Variants in TMPRSS15 observed in about 807,000 individuals in gnomAD.
TMPRSS15 encodes enteropeptidase.
Under a neutral mutation model 125.3 loss-of-function variants are expected in TMPRSS15, and 128 were observed. The ratio of observed to expected loss-of-function variants is 1.02; its 90% CI spans 0.89 to 1.18. TMPRSS15 has a LOEUF of 1.18. Ranked by LOEUF, TMPRSS15 falls within the 50% of genes most tolerant of loss-of-function variation. TMPRSS15 has a pLI of 0.00. For synonymous variants in TMPRSS15, 446 were observed against 423.2 expected, an observed-to-expected ratio of 1.05 and a Z score of -0.66; for missense variants, 1,283 against 1,212.7, an observed-to-expected ratio of 1.06 and a Z score of -0.86.
At chr21:18,422,192 GCGAGATTGGTCT>G (rs1399485077) in intron 1 of TMPRSS15, among the ~76,000 whole-genome samples, 4 of 151,906 alleles carry the variant, frequency 2.6e-5, no homozygotes, top group African/African-American at 9.7e-5. Flanking sequence ...CACCATGTTG[GCGAGATTGGTCT>G]TGAACTCCTG....
intron 1 of TMPRSS15, among the ~76,000 whole-genome samples, chr21:18,450,200 C>T (rs1569071349): frequency 6.6e-6 from 1 of 151,796 alleles, no homozygotes; most frequent in Non-Finnish European, 1.5e-5. Context: ...ATCTTAACTT[C>T]ATATTTTTAT....
intron 9 of TMPRSS15, among the ~76,000 whole-genome samples, 183 bp downstream of exon 9, chr21:18,353,540 G>A (rs986762643): frequency 6.6e-6 from 1 of 151,604 alleles, no homozygotes; most frequent in Non-Finnish European, 1.5e-5. Context: ...TGATTCCTTT[G>A]AAAAATGTAA....
chr21:18,403,614 C>T lies in TMPRSS15; in HGVS notation c.9G>A (p.Ser3=), dbSNP rs756002643. The change falls in exon 1 of 25, where the codon TCG becomes TCA. Residue 3 remains serine (S), a synonymous_variant. Coordinates refer to ENST00000284885, the MANE Select transcript of TMPRSS15 (RefSeq NM_002772.3). Reference sequence around the variant, plus strand: ...GATGCCTAGAAGATATGCCTCTTTTCGACCCCATTTTTGGTTTTGAAGGCT... The same window carrying T: ...GATGCCTAGAAGATATGCCTCTTTTTGACCCCATTTTTGGTTTTGAAGGCT... The part of the protein sequence containing the change: MG[S]KRGISSRHHS... The T allele has an allele frequency of 1.2e-5, 20 of 1,613,916 alleles. No individual in the cohort carries two copies. Among genetic ancestry groups the T allele is most frequent in the African/African-American group, 2.7e-5 (2 of 74,908 alleles).
intron 1 of TMPRSS15, among the ~76,000 whole-genome samples, chr21:18,476,945 T>A (rs945881953): frequency 1.1e-4 from 16 of 151,594 alleles, no homozygotes; most frequent in African/African-American, 2.9e-4. Flanking sequence ...TAACTCCAAA[T>A]GCCACATTCT....
chr21:18,372,983 G>C (rs1340431138), intron 5 of TMPRSS15, among the ~76,000 whole-genome samples: 1 of 152,102 alleles, frequency 6.6e-6, no homozygotes, highest in African/African-American at 2.4e-5. Flanking sequence ...ATGCCTACAA[G>C]ATAAAGACTT....
intron 16 of TMPRSS15, among the ~76,000 whole-genome samples, chr21:18,317,036 G>T (rs898676565): frequency 1.3e-5 from 2 of 152,126 alleles, no homozygotes; most frequent in African/African-American, 4.8e-5. Context: ...AAACAGGGAA[G>T]CTTCTATTTT....
At chr21:18,291,872 G>T (rs972509976) in intron 21 of TMPRSS15, among the ~76,000 whole-genome samples, 1 of 152,260 alleles carries the variant, frequency 6.6e-6, no homozygotes, top group Non-Finnish European at 1.5e-5. Flanking sequence ...AGTTGAAACT[G>T]AAAAGACATT....
At chr21:18,470,460 C>G (rs1026890296) in intron 1 of TMPRSS15, among the ~76,000 whole-genome samples, 1 of 152,024 alleles carries the variant, frequency 6.6e-6, no homozygotes, top group African/African-American at 2.4e-5. Flanking sequence ...ACTCTTACCC[C>G]AACCGAAAAT....
At chr21:18,384,445 G>C (rs1478140793) in intron 3 of TMPRSS15, among the ~76,000 whole-genome samples, 1 of 152,086 alleles carries the variant, frequency 6.6e-6, no homozygotes, top group Non-Finnish European at 1.5e-5. Context: ...CATAGCATTA[G>C]AGTTCAGCCA....
At chr21:18,357,389 T>A (rs968867653) in intron 8 of TMPRSS15, among the ~76,000 whole-genome samples, 4 of 151,844 alleles carry the variant, frequency 2.6e-5, no homozygotes, top group Non-Finnish European at 5.9e-5. Context: ...CAATTGTAGA[T>A]TAAAATGATG....
intron 8 of TMPRSS15, among the ~76,000 whole-genome samples, chr21:18,354,349 CT>C (rs1271258793): frequency 2.6e-5 from 4 of 151,574 alleles, no homozygotes; most frequent in African/African-American, 9.7e-5. Context: ...TACCAGGTGA[CT>C]TAAGATTGTT....
chr21:18,296,416 G>A (rs1268249070), intron 19 of TMPRSS15, among the ~76,000 whole-genome samples: 1 of 152,130 alleles, frequency 6.6e-6, no homozygotes, highest in Non-Finnish European at 1.5e-5. Flanking sequence ...GGCTAATTAA[G>A]GAAGGGATTA....
intron 7 of TMPRSS15, among the ~76,000 whole-genome samples, chr21:18,360,252 T>C (rs938082574): frequency 5.3e-5 from 8 of 152,176 alleles, no homozygotes; most frequent in Admixed American, 4.6e-4. Flanking sequence ...GGTTCTTCTA[T>C]GTTGTATGAT....
chr21:18,441,839 C>G (rs541641716), intron 1 of TMPRSS15, among the ~76,000 whole-genome samples: 1 of 151,788 alleles, frequency 6.6e-6, no homozygotes, highest in East Asian at 2.0e-4. Context: ...TGTAGGCACA[C>G]GCCACCGATC....
chr21:18,318,762 C>G, intron 16 of TMPRSS15, among the ~76,000 whole-genome samples: 1 of 152,044 alleles, frequency 6.6e-6, no homozygotes, highest in East Asian at 1.9e-4. Context: ...ACAAATGAAC[C>G]TTTTGTTTTG....
chr21:18,415,094 T>G (rs1206592295), intron 1 of TMPRSS15, among the ~76,000 whole-genome samples: 4 of 152,158 alleles, frequency 2.6e-5, no homozygotes, highest in Admixed American at 2.6e-4. Flanking sequence ...TCGATTTGTA[T>G]TTCCCTGATG....
chr21:18,339,378 T>C (rs2075425031), intron 13 of TMPRSS15, among the ~76,000 whole-genome samples: 1 of 152,160 alleles, frequency 6.6e-6, no homozygotes, highest in African/African-American at 2.4e-5. Context: ...TAAATACCCA[T>C]AATTAACCTT....
At position 18,269,679 on chromosome 21, in the gene TMPRSS15, TAATAAA is replaced by T; in HGVS notation, c.*284_*289del. ...TAACATCCCTTTAAACAACAGTAAG[TAATAAA>T]AATAATCATTAAGAATTTTAAAAAT... On this transcript the variant is annotated 3_prime_UTR_variant, in exon 25 of 25. Transcript: ENST00000284885. 3.0e-6 allele frequency: 1 copy of T among 336,334 alleles called. No homozygotes were observed. Among genetic ancestry groups the T allele is most frequent in the Non-Finnish European group, 5.6e-6 (1 of 178,758 alleles). 20.8% of individuals were successfully genotyped at this position (336,334 alleles called of 1,614,324 possible).
intron 1 of TMPRSS15, among the ~76,000 whole-genome samples, chr21:18,429,018 C>A (rs1246369286): frequency 1.3e-5 from 2 of 152,156 alleles, no homozygotes; most frequent in East Asian, 3.9e-4. Flanking sequence ...CAGAGCTGCC[C>A]AAGACCATGG....
Sources: gnomAD v4.1 joint callset for allele counts (sites outside exome capture counted in the v4.1 genomes callset) on GRCh38, gnomAD v4.1.1 for gene constraint, MANE v1.5 for transcripts, NCBI Gene and HGNC (gene_info 2026-07-23, HGNC 2026-07-21) for gene names.